Variants in GIT2 observed in about 807,000 individuals in gnomAD.
GIT2 encodes the protein GIT ArfGAP 2.
GIT2 carries 32 observed loss-of-function variants against 100.3 expected under a neutral mutation model. The ratio of observed to expected loss-of-function variants is 0.32; its 90% confidence interval spans 0.24 to 0.43. The LOEUF (loss-of-function observed/expected upper bound fraction) is 0.43. Among genes scored for constraint, GIT2 ranks in the 20% least tolerant of loss-of-function variants. GIT2 has a pLI of 1.00. For missense variants in GIT2, 737 were observed against 975.1 expected (o/e 0.76, Z 3.25); for synonymous variants, 353 against 364.1 (o/e 0.97, Z 0.35).
rs542986653 is a variant in GIT2 at position 109,994,393 on chromosome 12, G to A, written c.52+1780C>T. On this transcript the variant is annotated intron_variant, in intron 1 of 19. Transcript: ENST00000355312. ...CCCCAGACAAATCTTAGGTAAATTCGTTCACGTGCATTTTAGGGGAGAAGG... is the reference window on the plus strand; with the variant it reads ...CCCCAGACAAATCTTAGGTAAATTCATTCACGTGCATTTTAGGGGAGAAGG... Among the ~76,000 whole-genome samples, 11 of 152,244 alleles carry A rather than the reference G, an allele frequency of 7.2e-5. 1 individual carries two copies. In the East Asian group the frequency reaches 7.7e-4, roughly 11 times the overall value.
At chr12:109,981,185 T>C (rs1593123485) in intron 6 of GIT2, 139 bp from the exon 7 acceptor site, 2 of 665,274 alleles carry the variant, frequency 3.0e-6, no homozygotes, top group South Asian at 1.7e-5. Context: ...TTGTGGTAGG[T>C]AGATTTCTGA....
rs770894894 is a variant in GIT2 at position 109,983,621 on chromosome 12, T to C, written c.479A>G (p.Asn160Ser). Residue 160 changes from asparagine to serine, a missense_variant, in exon 5 of 20, where the codon AAC becomes AGC. Transcript: ENST00000355312. ...LRLLSLGAQANFFHPEKGNTP... is the reference protein window; with the variant it reads ...LRLLSLGAQASFFHPEKGNTP... ...ATGTTTTCTTACAGGATGAAAGAAG[T>C]TGGCTTGTGCTCCTAAAGATAACAG... 16 of 1,610,154 alleles carry C rather than the reference T, an allele frequency of 9.9e-6. No homozygotes were observed. Among genetic ancestry groups the C allele is most frequent in the Middle Eastern group, 1.7e-4 (1 of 6,054 alleles).
At chr12:109,988,166 A>G (rs1887743493) in intron 4 of GIT2, among the ~76,000 whole-genome samples, 1 of 152,222 alleles carries the variant, frequency 6.6e-6, no homozygotes, top group Non-Finnish European at 1.5e-5. Flanking sequence ...TTTAAAAGCC[A>G]TATTGGAAAA....
chr12:109,934,167 T>C lies in GIT2; in HGVS notation c.2004-82A>G, dbSNP rs1413000539. On this transcript the variant is annotated intron_variant, in intron 18 of 19. Transcript: ENST00000355312. This position sits in a 1 kb window ranked among gnomAD's most constrained non-coding sequence, Gnocchi z 4.5. ...AGGACTCAAGTGCTAGAACAGATTC[T>C]GTTTACATTCCCTTCATGAAGGGGC... The C allele has an allele frequency of 2.5e-5, 20 of 808,762 alleles. No individual in the cohort carries two copies. Among genetic ancestry groups the C allele is most frequent in the Non-Finnish European group, 4.2e-5 (19 of 450,908 alleles). The allele number at this position is 808,762 out of a possible 1,614,324, so 50.1% of individuals were successfully genotyped here. A position where few individuals can be genotyped will look rare whatever the true frequency, so the allele number is the denominator to read the frequency against.
chr12:109,955,013 T>A (rs1879021705), intron 12 of GIT2, among the ~76,000 whole-genome samples: 1 of 152,204 alleles, frequency 6.6e-6, no homozygotes, highest in African/African-American at 2.4e-5. Flanking sequence ...TAGAAACTAA[T>A]GAACAAGTAA....
chr12:109,997,878 G>C (rs1257664205), upstream of GIT2: 1 of 152,218 alleles, frequency 6.6e-6, no homozygotes, highest in African/African-American at 2.4e-5. Flanking sequence ...CAGTGTGAAG[G>C]AGAAAGGAGA....
chr12:109,933,345 C>T lies in GIT2; in HGVS notation c.2068-155G>A. ...AAAGGGGTGCTTCACACACTCCAAG[C>T]TTTGCAGCCCACAGCGTAAGAGATG... On this transcript the variant is annotated intron_variant, in intron 19 of 19. Coordinates refer to ENST00000355312, the MANE Select transcript of GIT2 (RefSeq NM_057169.5). This position sits in a 1 kb window ranked among gnomAD's most constrained non-coding sequence, Gnocchi z 4.5. 1.7e-6 allele frequency: 1 copy of T among 592,262 alleles called. No homozygotes were observed. The highest frequency in any genetic ancestry group is 2.1e-5 in the South Asian group (1 of 48,550). The allele number at this position is 592,262 out of a possible 1,614,324, so 36.7% of individuals were successfully genotyped here.
upstream of GIT2, among the ~76,000 whole-genome samples, chr12:109,996,617 A>G (rs1000612918): frequency 3.9e-5 from 6 of 152,232 alleles, no homozygotes; most frequent in Admixed American, 6.5e-5. Flanking sequence ...GAGGCAATCA[A>G]TGGTCAAGTT....
Position 109,983,429 on chromosome 12 carries a change from A to G in GIT2, c.567T>C (p.Tyr189=). The change falls in exon 6 of 20, where the codon TAT becomes TAC. Residue 189 remains tyrosine (Y), a synonymous_variant. Coordinates refer to ENST00000355312, the MANE Select transcript of GIT2 (RefSeq NM_057169.5). ...QILQAELLAV[Y]GADPGTQDSS... is the part of the protein sequence containing the mutation. ...AATCCTGTGTGCCTGGGTCTGCTCC[A>G]TATACTGCCAATAATTCAGCCTGTA... 4 of 1,613,664 alleles carry G rather than the reference A, an allele frequency of 2.5e-6. No individual in the cohort carries two copies. The highest frequency in any genetic ancestry group is 3.4e-6 in the Non-Finnish European group (4 of 1,179,542).
Position 109,938,463 on chromosome 12 carries a change from G to A in GIT2, c.1920C>T (p.Thr640=), listed in dbSNP as rs139771901. The A allele has an allele frequency of 1.3e-4, 206 of 1,613,836 alleles. No individual in the cohort carries two copies. In the East Asian group the frequency reaches 2.0e-3, roughly 16 times the overall value. ...GTTCAGTCTTCCTGATGACATCTTCGGTGCTAGGGAGAGTGGGGCTTGGGG... is the reference window on the plus strand; with the variant it reads ...GTTCAGTCTTCCTGATGACATCTTCAGTGCTAGGGAGAGTGGGGCTTGGGG... ...HVAPSPTLPS[T]EDVIRKTEQI... is the part of the protein sequence containing the mutation. The change falls in exon 18 of 20, where the codon ACC becomes ACT. Residue 640 remains threonine (T), a synonymous_variant. Coordinates refer to ENST00000355312, the MANE Select transcript of GIT2 (RefSeq NM_057169.5).
At chr12:109,988,592 C>CGCTTG (rs1200041552) in intron 4 of GIT2, among the ~76,000 whole-genome samples, 22 of 152,124 alleles carry the variant, frequency 1.4e-4, no homozygotes, top group African/African-American at 5.1e-4. Context: ...CAGTGGCTCA[C>CGCTTG]GCTTGCAATC....
At chr12:109,936,219 G>A (rs1482838200) in intron 18 of GIT2, among the ~76,000 whole-genome samples, 1 of 148,192 alleles carries the variant, frequency 6.7e-6, no homozygotes, top group East Asian at 2.0e-4. Context: ...CCAAAAGAAT[G>A]AGCTAATGAT....
At chr12:109,940,577 T>G (rs1768390457) in intron 16 of GIT2, 1 of 151,954 alleles carries the variant, frequency 6.6e-6, no homozygotes, top group African/African-American at 2.4e-5. Flanking sequence ...TTTGAGTAAG[T>G]TGGTTTAAGA....
At chr12:109,976,708 C>A (rs1007320894) in intron 7 of GIT2, among the ~76,000 whole-genome samples, 1 of 151,816 alleles carries the variant, frequency 6.6e-6, no homozygotes, top group Non-Finnish European at 1.5e-5. Context: ...CCTGCCTCAG[C>A]CTCCTGAGTA....
intron 16 of GIT2, chr12:109,942,863 C>T (rs1211104451): frequency 2.0e-5 from 3 of 152,172 alleles, no homozygotes; most frequent in Non-Finnish European, 4.4e-5. Flanking sequence ...GTCCTTCCAT[C>T]GTTGTCAACA....
chr12:109,969,825 G>A (rs766364908), intron 7 of GIT2, among the ~76,000 whole-genome samples: 16 of 151,446 alleles, frequency 1.1e-4, no homozygotes, highest in Admixed American at 3.3e-4. Flanking sequence ...GTGTGATCTC[G>A]GTTCGCTATA....
intron 13 of GIT2, chr12:109,952,796 C>T (rs140827809): frequency 2.1e-6 from 1 of 481,712 alleles, no homozygotes; most frequent in Non-Finnish European, 3.9e-6. Flanking sequence ...CAATGAGAGC[C>T]TCACAGGAAA....
rs949086911 is a variant in GIT2, at chr12:109,962,742, C to T, written c.817-1057G>A. ...GGCAGATGCTGAATCTGTTATATTC[C>T]CTATTGGGTTCCTTACATCCACACA... is the stretch of plus-strand genomic sequence containing the variant. On this transcript the variant is annotated intron_variant, in intron 9 of 19. Transcript: ENST00000355312. This position sits in a 1 kb window ranked among gnomAD's most constrained non-coding sequence, Gnocchi z 4.3. Among the ~76,000 whole-genome samples, 1 of 152,184 alleles carries T rather than the reference C, an allele frequency of 6.6e-6. No homozygotes were observed. Among genetic ancestry groups the T allele is most frequent in the Non-Finnish European group, 1.5e-5 (1 of 68,028 alleles).
chr12:109,932,849 T>A lies in GIT2; in HGVS notation c.*129A>T. 2 of 633,176 alleles carry A rather than the reference T, an allele frequency of 3.2e-6. No homozygotes were observed. The highest frequency in any genetic ancestry group is 1.8e-5 in the African/African-American group (1 of 54,958). 39.2% of individuals were successfully genotyped at this position (633,176 alleles called of 1,614,324 possible). A position where few individuals can be genotyped will look rare whatever the true frequency, so the allele number is the denominator to read the frequency against. On this transcript the variant is annotated 3_prime_UTR_variant, in exon 20 of 20. Transcript: ENST00000355312. ...GAAAACATGCAAAAATAATACTGAGTTTTCTTTTAAAAAGTTTTAAACCGT... is the reference window on the plus strand; with the variant it reads ...GAAAACATGCAAAAATAATACTGAGATTTCTTTTAAAAAGTTTTAAACCGT...
Sources: allele counts gnomAD v4.1 joint callset (sites outside exome capture counted in the v4.1 genomes callset), GRCh38; gene constraint gnomAD v4.1.1; non-coding constraint Gnocchi (gnomAD v3.1); transcripts MANE v1.5; gene names NCBI Gene and HGNC (gene_info 2026-07-23, HGNC 2026-07-21).